ANKRD44: variants seen among roughly 807,000 people sequenced by gnomAD.
ANKRD44 encodes serine/threonine-protein phosphatase 6 regulatory ankyrin repeat subunit B.
Under a neutral mutation model 116.0 loss-of-function variants are expected in ANKRD44, and 35 were observed. The ratio of observed to expected loss-of-function variants is 0.30; its 90% CI spans 0.23 to 0.40. The LOEUF (loss-of-function observed/expected upper bound fraction) is 0.40. Ranked by LOEUF, ANKRD44 falls within the 10% of genes least tolerant of loss-of-function variation. The pLI, the probability that ANKRD44 is intolerant of heterozygous loss-of-function variation, is 1.00. For synonymous variants in ANKRD44, 435 were observed against 461.8 expected (o/e 0.94, Z 0.74); for missense variants, 1,014 against 1,242.6 (o/e 0.82, Z 2.77).
intron 1 of ANKRD44, among the ~76,000 whole-genome samples, chr2:197,189,884 G>T (rs1386099352): frequency 6.6e-6 from 1 of 152,066 alleles, no homozygotes; most frequent in Non-Finnish European, 1.5e-5. Context: ...GCGAGTGTAC[G>T]GAATACATAC....
intron 1 of ANKRD44, among the ~76,000 whole-genome samples, chr2:197,278,711 T>C (rs900291098): frequency 1.3e-5 from 2 of 152,184 alleles, no homozygotes; most frequent in East Asian, 1.9e-4. Flanking sequence ...CAAGGTCTTA[T>C]TGGACAGTAA....
chr2:197,063,735 A>G (rs1214358323), intron 16 of ANKRD44, among the ~76,000 whole-genome samples: 1 of 152,218 alleles, frequency 6.6e-6, no homozygotes, highest in African/African-American at 2.4e-5. Context: ...AAATGAAACA[A>G]GAAGAGAAGT....
intron 1 of ANKRD44, among the ~76,000 whole-genome samples, chr2:197,206,937 T>G (rs967742848): frequency 6.6e-6 from 1 of 152,198 alleles, no homozygotes; most frequent in Non-Finnish European, 1.5e-5. Flanking sequence ...CTGTCTGCTC[T>G]CAGTGTATTT....
chr2:197,023,897 G>A (rs751909381), intron 17 of ANKRD44, among the ~76,000 whole-genome samples: 29 of 152,098 alleles, frequency 1.9e-4, no homozygotes, highest in Non-Finnish European at 3.7e-4. Flanking sequence ...GTCCATCTCC[G>A]GGAACACAGA....
chr2:197,034,719 C>T (rs1011663890), intron 16 of ANKRD44, among the ~76,000 whole-genome samples: 3 of 151,918 alleles, frequency 2.0e-5, no homozygotes, highest in Non-Finnish European at 2.9e-5. Flanking sequence ...CTCCACCAAC[C>T]ACCATGTGTT....
At chr2:196,971,994 T>C (rs1468359352) in intron 21 of ANKRD44, among the ~76,000 whole-genome samples, 4 of 152,090 alleles carry the variant, frequency 2.6e-5, no homozygotes, top group Admixed American at 2.6e-4. Context: ...TGCAAACACC[T>C]CTAGGCCTCA....
chr2:197,136,688 G>A, intron 3 of ANKRD44, 26 bp from the exon 4 acceptor site: 1 of 1,607,104 alleles, frequency 6.2e-7, no homozygotes, highest in Admixed American at 1.7e-5. Context: ...ACAAGTTAGA[G>A]GCATAATGGG....
intron 2 of ANKRD44, among the ~76,000 whole-genome samples, chr2:197,153,169 C>T (rs1480290926): frequency 7.6e-6 from 1 of 132,282 alleles, no homozygotes; most frequent in African/African-American, 2.7e-5. Context: ...GAACTGTGAT[C>T]ACACCATTGC....
At chr2:196,999,688 G>A (rs1336362925) in intron 23 of ANKRD44, among the ~76,000 whole-genome samples, 4 of 151,864 alleles carry the variant, frequency 2.6e-5, no homozygotes, top group African/African-American at 9.7e-5. Context: ...CTGCCTCATG[G>A]GTTCACGCCA....
chr2:197,164,106 A>G (rs566869785), intron 2 of ANKRD44, among the ~76,000 whole-genome samples: 1 of 152,374 alleles, frequency 6.6e-6, no homozygotes, highest in South Asian at 2.1e-4. Context: ...GGTGTGCTGC[A>G]GGCCCAGTCC....
chr2:197,100,617 C>T (rs2078270987), intron 9 of ANKRD44, among the ~76,000 whole-genome samples: 1 of 152,092 alleles, frequency 6.6e-6, no homozygotes, highest in African/African-American at 2.4e-5. Flanking sequence ...GAATTAAAAA[C>T]CTATGTAAAC....
chr2:197,239,794 C>G (rs569486204), intron 1 of ANKRD44, among the ~76,000 whole-genome samples: 1 of 152,142 alleles, frequency 6.6e-6, no homozygotes, highest in Admixed American at 6.5e-5. Context: ...GCTTTAGTAA[C>G]TAGTTTTTGG....
chr2:197,036,231 T>C (rs1264865389), intron 16 of ANKRD44, among the ~76,000 whole-genome samples: 2 of 152,174 alleles, frequency 1.3e-5, no homozygotes, highest in East Asian at 1.9e-4. Flanking sequence ...ATTACCTTTC[T>C]ATAGTTGCGT....
At chr2:197,004,894 T>C (rs143337485) in intron 21 of ANKRD44, among the ~76,000 whole-genome samples, 1 of 152,290 alleles carries the variant, frequency 6.6e-6, no homozygotes, top group East Asian at 1.9e-4. Context: ...AGTTCTGGTA[T>C]ACATATTGCT....
intron 9 of ANKRD44, among the ~76,000 whole-genome samples, chr2:197,102,617 T>G (rs1161608983): frequency 6.6e-6 from 1 of 152,218 alleles, no homozygotes; most frequent in Admixed American, 6.5e-5. Flanking sequence ...AAACTATTTT[T>G]CATGACTTTT....
intron 1 of ANKRD44, among the ~76,000 whole-genome samples, chr2:197,237,823 C>T (rs533509871): frequency 2.0e-5 from 3 of 152,364 alleles, no homozygotes; most frequent in African/African-American, 7.2e-5. Flanking sequence ...ACATCCTTGA[C>T]AAGTCAGCTT....
chr2:197,257,196 G>A (rs2082471849), intron 1 of ANKRD44, among the ~76,000 whole-genome samples: 1 of 152,190 alleles, frequency 6.6e-6, no homozygotes, highest in Non-Finnish European at 1.5e-5. Flanking sequence ...TTTCTTTATA[G>A]TAAAGGTGAT....
chr2:197,248,578 G>GTGTGTA (rs544362365), intron 1 of ANKRD44, among the ~76,000 whole-genome samples: 11 of 144,256 alleles, frequency 7.6e-5, no homozygotes, highest in African/African-American at 1.1e-4. Flanking sequence ...GTGTGTGTGT[G>GTGTGTA]TATATATATA....
At chr2:197,009,558 G>A (rs2076259829) in intron 18 of ANKRD44, among the ~76,000 whole-genome samples, 2 of 151,698 alleles carry the variant, frequency 1.3e-5, no homozygotes, top group Admixed American at 1.3e-4. Flanking sequence ...TAGTAGAGAT[G>A]GGGTTTCACC....
Sources: gnomAD v4.1 joint callset for allele counts (sites outside exome capture counted in the v4.1 genomes callset) on GRCh38, gnomAD v4.1.1 for gene constraint, MANE v1.5 for transcripts, NCBI Gene and HGNC (gene_info 2026-07-23, HGNC 2026-07-21) for gene names.